The following PTPRN2 variants were observed in gnomAD, a reference collection of about 807,000 sequenced individuals.
PTPRN2 encodes the protein receptor-type tyrosine-protein phosphatase N2.
A neutral mutation model predicts 118.8 loss-of-function variants in PTPRN2; 74 were observed. The observed-to-expected ratio is 0.62, with a 90% CI of 0.52 to 0.76. PTPRN2 has a LOEUF of 0.76. PTPRN2 is among the 30% of genes least tolerant of loss of function. The probability of loss-of-function intolerance (pLI) is 0.00; values close to 1 mark genes in which losing one functional copy is unlikely to be tolerated. For synonymous variants in PTPRN2, 641 were observed against 608.0 expected (o/e 1.05, Z -0.80); for missense variants, 1,481 against 1,394.4 (o/e 1.06, Z -0.99).
intron 2 of PTPRN2, among the ~76,000 whole-genome samples, chr7:158,331,046 A>G (rs878893255): frequency 3.8e-4 from 49 of 129,248 alleles, no homozygotes; most frequent in Middle Eastern, 4.7e-3. Context: ...AAGAGGTGAC[A>G]CCTGCAGACG....
intron 2 of PTPRN2, among the ~76,000 whole-genome samples, chr7:158,382,143 G>C (rs1330211596): frequency 6.6e-6 from 1 of 152,172 alleles, no homozygotes; most frequent in East Asian, 1.9e-4. Context: ...ACCCACTACA[G>C]GTCCACCCTG....
chr7:157,774,392 T>C (rs1803065464), intron 12 of PTPRN2, among the ~76,000 whole-genome samples: 3 of 152,358 alleles, frequency 2.0e-5, no homozygotes, highest in Middle Eastern at 3.4e-3. Context: ...CTGGGCATCA[T>C]GCCTGTCAAG....
intron 3 of PTPRN2, among the ~76,000 whole-genome samples, chr7:158,225,893 T>C (rs1198952532): frequency 8.9e-6 from 1 of 112,886 alleles, no homozygotes; most frequent in Admixed American, 8.8e-5. Context: ...GGGAGGGAGG[T>C]GGGGGCAGTG....
intron 12 of PTPRN2, among the ~76,000 whole-genome samples, chr7:157,737,990 C>T (rs1179557382): frequency 6.6e-6 from 1 of 152,220 alleles, no homozygotes; most frequent in Non-Finnish European, 1.5e-5. Context: ...GCCACTCACC[C>T]CTCCTCTCTT....
At chr7:158,488,994 G>T (rs1821236031) in intron 2 of PTPRN2, among the ~76,000 whole-genome samples, 1 of 152,256 alleles carries the variant, frequency 6.6e-6, no homozygotes, top group African/African-American at 2.4e-5. Context: ...GATGCCCTCT[G>T]CCTGACCGCG....
chr7:158,333,856 G>A (rs529451054), intron 2 of PTPRN2, among the ~76,000 whole-genome samples: 16 of 127,274 alleles, frequency 1.3e-4, no homozygotes, highest in East Asian at 2.6e-4. Flanking sequence ...GCTGACACCC[G>A]CAGACGTCAC....
At chr7:158,219,209 C>G (rs1828168242) in intron 3 of PTPRN2, among the ~76,000 whole-genome samples, 1 of 151,982 alleles carries the variant, frequency 6.6e-6, no homozygotes. Flanking sequence ...TGAAATCATA[C>G]CAACCACTCT....
chr7:158,058,730 G>A (rs1273181449), intron 11 of PTPRN2, among the ~76,000 whole-genome samples: 22 of 79,220 alleles, frequency 2.8e-4, no homozygotes, highest in East Asian at 1.3e-3. Flanking sequence ...ATCTGCCCAC[G>A]GTGAGACATC....
At chr7:157,695,237 G>A (rs953519299) in intron 12 of PTPRN2, among the ~76,000 whole-genome samples, 1 of 152,006 alleles carries the variant, frequency 6.6e-6, no homozygotes, top group African/African-American at 2.4e-5. Flanking sequence ...GAGAAAGACT[G>A]TTATGGGAAA....
At chr7:157,911,993 C>G (rs1798131700) in intron 11 of PTPRN2, among the ~76,000 whole-genome samples, 1 of 152,136 alleles carries the variant, frequency 6.6e-6, no homozygotes, top group Admixed American at 6.5e-5. Flanking sequence ...CTTACCCAGT[C>G]CGGTGGGAAA....
At chr7:158,556,383 G>A (rs377486926) in intron 1 of PTPRN2, among the ~76,000 whole-genome samples, 66 of 151,982 alleles carry the variant, frequency 4.3e-4, no homozygotes, top group Non-Finnish European at 4.1e-4. Context: ...GTGAAACTAC[G>A]TCTCTACTAA....
chr7:158,170,701 C>A (rs1269905363), intron 5 of PTPRN2, among the ~76,000 whole-genome samples: 1 of 152,172 alleles, frequency 6.6e-6, no homozygotes, highest in Non-Finnish European at 1.5e-5. Context: ...CCAAGAGGGC[C>A]TGAGAGTTGG....
intron 2 of PTPRN2, among the ~76,000 whole-genome samples, chr7:158,328,523 C>T (rs1056150163): frequency 1.3e-5 from 2 of 152,242 alleles, no homozygotes; most frequent in African/African-American, 4.8e-5. Context: ...TGCAGAGCAG[C>T]GTGAGGCTCT....
intron 12 of PTPRN2, among the ~76,000 whole-genome samples, chr7:157,877,284 G>A (rs1187865416): frequency 6.6e-6 from 1 of 150,502 alleles, no homozygotes; most frequent in East Asian, 2.0e-4. Context: ...AGATCTGAGT[G>A]CAGCACCAGG....
chr7:158,441,192 G>A (rs1412649535), intron 2 of PTPRN2, among the ~76,000 whole-genome samples: 3 of 146,418 alleles, frequency 2.0e-5, no homozygotes, highest in South Asian at 2.2e-4. Context: ...GGTGGTGATA[G>A]TGATGGTGAT....
chr7:157,828,411 G>A (rs1008758262), intron 12 of PTPRN2, among the ~76,000 whole-genome samples: 2 of 152,206 alleles, frequency 1.3e-5, no homozygotes, highest in South Asian at 2.1e-4. Flanking sequence ...ACTTCCGCAA[G>A]CCCTCGGCAC....
chr7:158,310,265 G>A (rs763778487), intron 3 of PTPRN2, among the ~76,000 whole-genome samples: 5 of 152,236 alleles, frequency 3.3e-5, no homozygotes, highest in Non-Finnish European at 7.3e-5. Flanking sequence ...CGCCATGGAT[G>A]AATTTTTAAA....
At chr7:158,105,727 G>A (rs1371840257) in intron 10 of PTPRN2, among the ~76,000 whole-genome samples, 1 of 151,556 alleles carries the variant, frequency 6.6e-6, no homozygotes, top group East Asian at 1.9e-4. Flanking sequence ...ATCCATCCCA[G>A]CTCTATCCAT....
In PTPRN2 at chr7:157,690,238, C is replaced by T. The variant is rs1190470409; in HGVS notation, c.1789-7301G>A. Among the ~76,000 whole-genome samples the T allele has an allele frequency of 1.3e-5, 2 of 152,204 alleles. No homozygotes were observed. The highest frequency in any genetic ancestry group is 2.9e-5 in the Non-Finnish European group (2 of 68,022). ...CCCTTTGCCCGCTCCTCCTCACAGGCCCACCCTAGACCCACTTGGGGATGA... is the reference window on the plus strand; with the variant it reads ...CCCTTTGCCCGCTCCTCCTCACAGGTCCACCCTAGACCCACTTGGGGATGA... On this transcript the variant is annotated intron_variant, in intron 12 of 22. Transcript: ENST00000389418. The surrounding 1 kb of genome is among the most constrained non-coding windows in gnomAD (Gnocchi z 7.1).
Sources: allele counts gnomAD v4.1 joint callset (sites outside exome capture counted in the v4.1 genomes callset), GRCh38; gene constraint gnomAD v4.1.1; non-coding constraint Gnocchi (gnomAD v3.1); transcripts MANE v1.5; gene names NCBI Gene and HGNC (gene_info 2026-07-23, HGNC 2026-07-21).